MRPL38: variants seen among roughly 807,000 people sequenced by gnomAD.
MRPL38 encodes large ribosomal subunit protein mL38.
Under a neutral mutation model 52.1 loss-of-function variants are expected in MRPL38, and 51 were observed. The observed-to-expected ratio is 0.98, with a 90% CI of 0.78 to 1.24. The LOEUF (loss-of-function observed/expected upper bound fraction) is 1.24. Ranked by LOEUF, MRPL38 falls within the 50% of genes most tolerant of loss-of-function variation. MRPL38 has a pLI of 0.00. For synonymous variants in MRPL38, 245 were observed against 212.7 expected (o/e 1.15, Z -1.32); for missense variants, 527 against 518.6 (o/e 1.02, Z -0.16).
intron 8 of MRPL38, 34 bp from the exon 9 acceptor site, chr17:75,899,020 C>T: frequency 6.4e-7 from 1 of 1,558,866 alleles, no homozygotes; most frequent in Non-Finnish European, 8.7e-7. Context: ...GGGTGGTCTG[C>T]TGGCCTGCGC....
At position 75,901,661 on chromosome 17, in the gene MRPL38, T is replaced by A. The variant is rs2065404822; in HGVS notation, c.591+51A>T. ...GAGTGTCTGTGACACTGAGATGGGA[T>A]GTGTCTGTGTTTGCACAGGGCAGGG... On this transcript the variant is annotated intron_variant, in intron 4 of 8. Coordinates refer to ENST00000309352, the MANE Select transcript of MRPL38 (RefSeq NM_032478.4). This position sits in a 1 kb window ranked among gnomAD's most constrained non-coding sequence, Gnocchi z 5.7. 1.0e-5 allele frequency: 15 copies of A among 1,492,550 alleles called. No individual in the cohort carries two copies. The highest frequency in any genetic ancestry group is 1.4e-5 in the Non-Finnish European group (15 of 1,071,222). The allele number at this position is 1,492,550 out of a possible 1,614,324, so 92.5% of individuals were successfully genotyped here.
At position 75,902,206 on chromosome 17, in the gene MRPL38, T is replaced by C. The variant is rs368553555; in HGVS notation, c.248-52A>G. 6.1e-5 allele frequency: 93 copies of C among 1,533,838 alleles called. No individual in the cohort carries two copies. In the Middle Eastern group the frequency reaches 1.2e-3, roughly 20 times the overall value. The stretch of plus-strand genomic sequence containing the variant: ...ACAGGGTCATGACTCACTGCAGCCT[T>C]AACCTCCCCAACTCAGTCTCCTGAG... On this transcript the variant is annotated intron_variant, in intron 2 of 8. Coordinates refer to ENST00000309352, the MANE Select transcript of MRPL38 (RefSeq NM_032478.4).
rs2065405222 is a variant in MRPL38 at position 75,901,747 on chromosome 17, G to A, written c.556C>T (p.Pro186Ser). 1.9e-6 allele frequency: 3 copies of A among 1,613,818 alleles called. No homozygotes were observed. The highest frequency in any genetic ancestry group is 2.2e-5 in the South Asian group (2 of 91,082). ...GTCACCTCATTGCCACAGTACACAG[G>A]CATCAGGTCATCCTCACCCACAGCG... is the stretch of plus-strand genomic sequence containing the variant. Reference protein sequence around the residue: ...AYAVGEDDLMPVYCGNEVTPT... With the variant: ...AYAVGEDDLMSVYCGNEVTPT... The change falls in exon 4 of 9, where the codon CCT becomes TCT. Residue 186 changes from proline to serine, a missense_variant. Coordinates refer to ENST00000309352, the MANE Select transcript of MRPL38 (RefSeq NM_032478.4). The surrounding 1 kb of genome is among the most constrained non-coding windows in gnomAD (Gnocchi z 5.7).
Position 75,902,020 on chromosome 17 carries a change from C to G in MRPL38, c.382G>C (p.Ala128Pro), listed in dbSNP as rs748195036. The G allele has an allele frequency of 3.7e-6, 6 of 1,613,756 alleles. No homozygotes were observed. The Admixed American group carries it at 1.0e-4, about 27-fold the overall frequency. The change falls in exon 3 of 9, where the codon GCC becomes CCC. Residue 128 changes from alanine to proline, a missense_variant and splice_region_variant. Ala to Pro is a conservative substitution (Grantham distance 27). Coordinates refer to ENST00000309352, the MANE Select transcript of MRPL38 (RefSeq NM_032478.4). ...EEERAARLRT[A>P]SVPLDAVRAE... ...TGGCCCCTCCCCTGAGAAGGCTTAC[C>G]TGTGCGGAGGCGGGCAGCCCGCTCC...
chr17:75,899,174 G>C lies in MRPL38; in HGVS notation c.990C>G (p.Ile330Met). The C allele has an allele frequency of 3.1e-6, 5 of 1,604,082 alleles. No homozygotes were observed. Among genetic ancestry groups the C allele is most frequent in the Non-Finnish European group, 4.3e-6 (5 of 1,175,918 alleles). ...GGCCCTTACCCAGAAGCTGGTGGAA[G>C]ATGTAGGTGACGGAGTCATCCCAGC... is the stretch of plus-strand genomic sequence containing the variant. ...QCRWDDSVTY[I>M]FHQLLDMREP... Residue 330 changes from isoleucine (I) to methionine (M), a missense_variant, in exon 8 of 9, where the codon ATC (isoleucine) becomes ATG (methionine). Coordinates refer to ENST00000309352, the MANE Select transcript of MRPL38 (RefSeq NM_032478.4).
rs1206930974 is a variant in MRPL38, at chr17:75,902,134, T to C, written c.268A>G (p.Ile90Val). 2 of 1,567,980 alleles carry C rather than the reference T, an allele frequency of 1.3e-6. No homozygotes were observed. The highest frequency in any genetic ancestry group is 1.2e-5 in the South Asian group (1 of 85,152). Residue 90 changes from isoleucine (I) to valine (V), a missense_variant, in exon 3 of 9, where the codon ATT becomes GTT. Coordinates refer to ENST00000309352, the MANE Select transcript of MRPL38 (RefSeq NM_032478.4). ...GAGACTTTGGGTGGAGGCAGCCCAA[T>C]ATCAATCTTCTCTTTGGGATCTGGA... ...EKTDPKEKID[I>V]GLPPPKVSRT...
rs1297850621 is a variant in MRPL38, at chr17:75,901,794, C to T, written c.509G>A (p.Arg170Gln). 8.1e-6 allele frequency: 13 copies of T among 1,613,494 alleles called. No homozygotes were observed. In the Admixed American group the frequency reaches 8.3e-5, roughly 10 times the overall value. The change falls in exon 4 of 9, where the codon CGA becomes CAA. Residue 170 changes from arginine (R) to glutamine (Q), a missense_variant. Transcript: ENST00000309352. The surrounding 1 kb of genome is among the most constrained non-coding windows in gnomAD (Gnocchi z 5.7). Reference protein sequence around the residue: ...DLFHGATFVPRVPLHVAYAVG... With the variant: ...DLFHGATFVPQVPLHVAYAVG... ...AGCGTAGGCCACGTGCAGGGGGACT[C>T]GGGGCACAAAGGTGGCACCGTGGAA...
At chr17:75,900,821 A>ACGTGGAT in intron 6 of MRPL38, 161 bp downstream of exon 6, 1 of 1,434,272 alleles carries the variant, frequency 7.0e-7, no homozygotes, top group Middle Eastern at 1.8e-4. Context: ...TCAAGTAGAC[A>ACGTGGAT]CGTGGATCCC....
At chr17:75,899,792 C>G in intron 6 of MRPL38, 118 bp from the exon 7 acceptor site, 1 of 888,094 alleles carries the variant, frequency 1.1e-6, no homozygotes, top group Non-Finnish European at 1.6e-6. Context: ...CTCTAAGCAT[C>G]TCTCTCCTGG....
chr17:75,903,349 C>T (rs1273128442), intron 2 of MRPL38, among the ~76,000 whole-genome samples: 1 of 152,206 alleles, frequency 6.6e-6, no homozygotes, highest in Admixed American at 6.5e-5. Context: ...GCAGAGGTTG[C>T]AGTGAGTCAT....
chr17:75,899,880 G>C (rs1221008423), intron 6 of MRPL38: 3 of 387,858 alleles, frequency 7.7e-6, no homozygotes, highest in East Asian at 3.9e-5. Flanking sequence ...AGCTCCGAGT[G>C]GGGGACAGGG....
rs540793162 is a variant in MRPL38 at position 75,899,632 on chromosome 17, C to T, written c.753G>A (p.Thr251=). The change falls in exon 7 of 9, where the codon ACG becomes ACA. Residue 251 remains threonine (T), a synonymous_variant. Transcript: ENST00000309352. ...CAGGGAAGGGGGGGAGGTAGGGACA[C>T]GTCACCTGTCCTTCAGCCACCCGGT... ...PGNRVAEGQV[T]CPYLPPFPAR... The T allele has an allele frequency of 3.1e-6, 5 of 1,598,352 alleles. No individual in the cohort carries two copies. The highest frequency in any genetic ancestry group is 1.7e-5 in the Admixed American group (1 of 57,980).
chr17:75,899,583 G>A lies in MRPL38; in HGVS notation c.802C>T (p.Leu268Phe), dbSNP rs199719387. 8.1e-6 allele frequency: 13 copies of A among 1,609,244 alleles called. No individual in the cohort carries two copies. Among genetic ancestry groups the A allele is most frequent in the Middle Eastern group, 1.7e-4 (1 of 6,050 alleles). The change falls in exon 7 of 9, where the codon CTT becomes TTT. Residue 268 changes from leucine to phenylalanine, a missense_variant. Physicochemically the swap from Leu to Phe is conservative, Grantham distance 22. Coordinates refer to ENST00000309352, the MANE Select transcript of MRPL38 (RefSeq NM_032478.4). ...FPARGSGIHRLAFLLFKQDQP... is the reference protein window; with the variant it reads ...FPARGSGIHRFAFLLFKQDQP... ...TCCTGCTTGAAGAGCAGGAAGGCAA[G>A]ACGGTGGATGCCGGAGCCTCGGGCA...
At chr17:75,902,844 T>C (rs1005905001) in intron 2 of MRPL38, among the ~76,000 whole-genome samples, 2 of 151,986 alleles carry the variant, frequency 1.3e-5, no homozygotes, top group African/African-American at 4.8e-5. Context: ...GTCTCAGCCT[T>C]CTGAGTAGCT....
At chr17:75,904,139 G>C (rs2065417575) in intron 2 of MRPL38, 6 of 448,390 alleles carry the variant, frequency 1.3e-5, no homozygotes, top group South Asian at 1.0e-4. Context: ...TGGAGGGCAA[G>C]ACAAGCAGGA....
intron 6 of MRPL38, chr17:75,900,250 G>C (rs1455445721): frequency 6.6e-6 from 1 of 152,358 alleles, no homozygotes; most frequent in Non-Finnish European, 1.5e-5. Context: ...AAGCTACCAA[G>C]ATGGAAGGCC....
chr17:75,900,768 A>C lies in MRPL38; in HGVS notation c.710+214T>G, dbSNP rs192655522. The stretch of plus-strand genomic sequence containing the variant: ...AGAAAAGATGAGGAGGCTTGTGGGG[A>C]CTGACCGAGGCCTACTGCAAACTTT... On this transcript the variant is annotated intron_variant, in intron 6 of 8. Transcript: ENST00000309352. 6.6e-6 allele frequency: 9 copies of C among 1,365,682 alleles called. No homozygotes were observed. The Admixed American group carries it at 3.0e-4, about 46-fold the overall frequency. 84.6% of individuals were successfully genotyped at this position (1,365,682 alleles called of 1,614,324 possible).
chr17:75,903,351 G>A (rs567627290), intron 2 of MRPL38, among the ~76,000 whole-genome samples: 1 of 152,338 alleles, frequency 6.6e-6, no homozygotes, highest in South Asian at 2.1e-4. Flanking sequence ...AGAGGTTGCA[G>A]TGAGTCATCG....
Position 75,901,187 on chromosome 17 carries a change from C to T in MRPL38, c.664+14G>A. On this transcript the variant is annotated intron_variant, in intron 5 of 8. Coordinates refer to ENST00000309352, the MANE Select transcript of MRPL38 (RefSeq NM_032478.4). This position sits in a 1 kb window ranked among gnomAD's most constrained non-coding sequence, Gnocchi z 5.7. ...TGAGCGGGGCAGGAGGCCTGGTGAG[C>T]CCCAGACACCCACCCAAGCTAGTGA... 1.2e-6 allele frequency: 2 copies of T among 1,612,960 alleles called. No homozygotes were observed. The highest frequency in any genetic ancestry group is 1.1e-5 in the South Asian group (1 of 90,914).
Sources: gnomAD v4.1 joint callset for allele counts (sites outside exome capture counted in the v4.1 genomes callset) on GRCh38, gnomAD v4.1.1 for gene constraint, Gnocchi (gnomAD v3.1) non-coding constraint, MANE v1.5 for transcripts, NCBI Gene and HGNC (gene_info 2026-07-23, HGNC 2026-07-21) for gene names.